Variants in CREB5 observed in about 807,000 individuals in gnomAD.
The protein encoded by CREB5 is cyclic AMP-responsive element-binding protein 5.
A neutral mutation model predicts 57.1 loss-of-function variants in CREB5; 19 were observed. The observed-to-expected ratio is 0.33, with a 90% confidence interval of 0.23 to 0.49. CREB5 has a LOEUF of 0.49. Ranked by LOEUF, CREB5 falls within the 20% of genes least tolerant of loss-of-function variation. CREB5 has a pLI of 0.99. For synonymous variants in CREB5, 238 were observed against 238.3 expected (o/e 1.00, Z 0.01); for missense variants, 579 against 671.6 (o/e 0.86, Z 1.52).
At chr7:28,342,792 A>C (rs907235164) in intron 1 of CREB5, among the ~76,000 whole-genome samples, 2 of 152,246 alleles carry the variant, frequency 1.3e-5, no homozygotes, top group African/African-American at 2.4e-5. Context: ...TAATAATTGT[A>C]CATATTGATA....
chr7:28,515,683 T>C (rs1792911022), intron 4 of CREB5, among the ~76,000 whole-genome samples: 1 of 152,142 alleles, frequency 6.6e-6, no homozygotes, highest in Non-Finnish European at 1.5e-5. Context: ...TCAAATTTCT[T>C]TAGACACAGT....
At chr7:28,450,705 C>A (rs1789751735) in intron 1 of CREB5, among the ~76,000 whole-genome samples, 1 of 152,186 alleles carries the variant, frequency 6.6e-6, no homozygotes, top group Non-Finnish European at 1.5e-5. Context: ...CACAGGGTGG[C>A]AGGAGATAAG....
At chr7:28,726,159 C>T (rs147668027) in intron 7 of CREB5, among the ~76,000 whole-genome samples, 7 of 152,226 alleles carry the variant, frequency 4.6e-5, no homozygotes, top group African/African-American at 9.6e-5. Context: ...AAGCACACCA[C>T]GAGGCTGATT....
At chr7:28,651,116 G>C (rs1022011105) in intron 5 of CREB5, among the ~76,000 whole-genome samples, 1 of 152,058 alleles carries the variant, frequency 6.6e-6, no homozygotes, top group African/African-American at 2.4e-5. Context: ...AATAGGAAAA[G>C]TGGGTTTGCA....
chr7:28,725,421 G>A (rs1432000288), intron 7 of CREB5, among the ~76,000 whole-genome samples: 1 of 152,130 alleles, frequency 6.6e-6, no homozygotes, highest in Non-Finnish European at 1.5e-5. Context: ...GGCTACCTTG[G>A]GCAAATAAAA....
chr7:28,414,584 T>G (rs1787955372), intron 1 of CREB5, among the ~76,000 whole-genome samples: 1 of 152,176 alleles, frequency 6.6e-6, no homozygotes, highest in Non-Finnish European at 1.5e-5. Context: ...GTGTTGCTAT[T>G]TGTAAAATAA....
At chr7:28,466,144 G>A (rs755874487) in intron 1 of CREB5, among the ~76,000 whole-genome samples, 10 of 149,494 alleles carry the variant, frequency 6.7e-5, no homozygotes, top group Admixed American at 3.4e-4. Flanking sequence ...TTTCTCTTGC[G>A]GTCTTTCTAG....
intron 1 of CREB5, among the ~76,000 whole-genome samples, chr7:28,425,109 A>G (rs531713201): frequency 6.6e-6 from 1 of 152,222 alleles, no homozygotes; most frequent in African/African-American, 2.4e-5. Context: ...AAGAAAATAT[A>G]CAAATGGCCA....
chr7:28,446,578 G>A (rs1417227614), intron 1 of CREB5, among the ~76,000 whole-genome samples: 1 of 152,098 alleles, frequency 6.6e-6, no homozygotes, highest in African/African-American at 2.4e-5. Flanking sequence ...AGATCACGAA[G>A]TCAGGAGATC....
intron 4 of CREB5, among the ~76,000 whole-genome samples, chr7:28,560,881 T>TGTGTGCGCGTGC (rs1554344374): frequency 2.2e-5 from 1 of 46,242 alleles, no homozygotes; most frequent in Non-Finnish European, 4.1e-5. Context: ...TGCGCGTGCG[T>TGTGTGCGCGTGC]GCGTGCGTGT....
At chr7:28,446,426 C>T (rs80131195) in intron 1 of CREB5, among the ~76,000 whole-genome samples, 5,361 of 152,260 alleles carry the variant, frequency 0.035, 160 homozygotes, top group Non-Finnish European at 0.053. Flanking sequence ...AAGAACTAGA[C>T]ATTTGGTGGT....
chr7:28,774,125 T>C (rs1189392530), intron 7 of CREB5, among the ~76,000 whole-genome samples: 1 of 152,218 alleles, frequency 6.6e-6, no homozygotes, highest in Non-Finnish European at 1.5e-5. Flanking sequence ...GTATGAGTTA[T>C]TTTTTATGTT....
chr7:28,365,778 G>T (rs942617733), intron 1 of CREB5, among the ~76,000 whole-genome samples: 2 of 151,976 alleles, frequency 1.3e-5, no homozygotes, highest in Non-Finnish European at 2.9e-5. Context: ...GCAGCCAAAC[G>T]CTCCCTCTTT....
chr7:28,385,059 C>T (rs572066794), intron 1 of CREB5, among the ~76,000 whole-genome samples: 7 of 152,076 alleles, frequency 4.6e-5, no homozygotes, highest in East Asian at 3.9e-4. Flanking sequence ...TCATTTATTA[C>T]GTGCATCTGT....
upstream of CREB5, among the ~76,000 whole-genome samples, chr7:28,409,138 C>T (rs1453908112): frequency 6.6e-6 from 1 of 151,026 alleles, no homozygotes; most frequent in Non-Finnish European, 1.5e-5. The surrounding 1 kb of genome is among the most constrained non-coding windows in gnomAD (Gnocchi z 4.4). Context: ...GTTGCTTGCG[C>T]AGTCGCCCCC....
chr7:28,790,189 A>G (rs1321604022), intron 7 of CREB5, among the ~76,000 whole-genome samples: 1 of 152,226 alleles, frequency 6.6e-6, no homozygotes, highest in Non-Finnish European at 1.5e-5. Flanking sequence ...TTCTTCCAGG[A>G]AGGATTTTAA....
At chr7:28,483,883 A>G (rs201330346) in intron 1 of CREB5, among the ~76,000 whole-genome samples, 2 of 152,304 alleles carry the variant, frequency 1.3e-5, no homozygotes, top group East Asian at 3.9e-4. Flanking sequence ...CAACAGGTAG[A>G]CTGAGTGATC....
intron 1 of CREB5, among the ~76,000 whole-genome samples, chr7:28,342,976 T>A (rs1381091435): frequency 1.3e-5 from 2 of 152,132 alleles, no homozygotes; most frequent in Non-Finnish European, 2.9e-5. Flanking sequence ...AGTCTTGCTC[T>A]GTCGCCCAGG....
At chr7:28,761,370 G>T (rs1431368241) in intron 7 of CREB5, among the ~76,000 whole-genome samples, 1 of 152,128 alleles carries the variant, frequency 6.6e-6, no homozygotes, top group East Asian at 1.9e-4. Context: ...TCGGAGTGAA[G>T]GTCTCAAGAT....
Sources: gnomAD v4.1 joint callset for allele counts (sites outside exome capture counted in the v4.1 genomes callset) on GRCh38, gnomAD v4.1.1 for gene constraint, Gnocchi (gnomAD v3.1) non-coding constraint, MANE v1.5 for transcripts, NCBI Gene and HGNC (gene_info 2026-07-23, HGNC 2026-07-21) for gene names.